The following PCDH15 variants were observed in gnomAD, a reference collection of about 807,000 sequenced individuals.
PCDH15 encodes protocadherin related 15, also known as protocadherin-15.
Under a neutral mutation model 178.5 loss-of-function variants are expected in PCDH15, and 129 were observed. That is an observed-to-expected ratio of 0.72 (90% confidence interval 0.63 to 0.84). PCDH15 has a LOEUF of 0.84. PCDH15 is among the 40% of genes least tolerant of loss of function. The pLI, the probability that PCDH15 is intolerant of heterozygous loss-of-function variation, is 0.00. For synonymous variants in PCDH15, 800 were observed against 732.0 expected, an observed-to-expected ratio of 1.09 and a Z score of -1.50; for missense variants, 2,230 against 2,099.9, an observed-to-expected ratio of 1.06 and a Z score of -1.21.
intron 1 of PCDH15, among the ~76,000 whole-genome samples, chr10:54,766,956 A>T (rs866388545): frequency 2.6e-5 from 4 of 151,752 alleles, no homozygotes; most frequent in Admixed American, 6.6e-5. Context: ...AAATCTATCC[A>T]CTATACACCT....
chr10:53,923,869 C>A (rs2084224007), intron 25 of PCDH15, among the ~76,000 whole-genome samples: 1 of 152,198 alleles, frequency 6.6e-6, no homozygotes, highest in African/African-American at 2.4e-5. Context: ...TCCTCTCATT[C>A]ACTAAATGGA....
intron 2 of PCDH15, among the ~76,000 whole-genome samples, chr10:55,520,021 G>T (rs367958743): frequency 2.1e-5 from 3 of 143,034 alleles, no homozygotes; most frequent in African/African-American, 7.7e-5. Flanking sequence ...TGTTTATAAG[G>T]CATATATATA....
At chr10:54,151,269 C>T (rs1291889577) in intron 14 of PCDH15, among the ~76,000 whole-genome samples, 5 of 152,020 alleles carry the variant, frequency 3.3e-5, no homozygotes, top group Non-Finnish European at 5.9e-5. Flanking sequence ...GGCCAGGCGT[C>T]GTGGCTGATG....
intron 1 of PCDH15, among the ~76,000 whole-genome samples, chr10:54,668,803 T>C (rs2094611779): frequency 6.6e-6 from 1 of 152,174 alleles, no homozygotes; most frequent in Admixed American, 6.6e-5. Context: ...ACACCGTCAT[T>C]ACTTTGATGA....
At chr10:53,888,610 T>G (rs1443380783) in intron 26 of PCDH15, among the ~76,000 whole-genome samples, 1 of 95,440 alleles carries the variant, frequency 1.0e-5, no homozygotes, top group African/African-American at 3.7e-5. Context: ...GTCATTGTGA[T>G]GAACATGTGT....
At chr10:54,812,929 T>C (rs1425274418) in intron 3 of PCDH15, among the ~76,000 whole-genome samples, 1 of 152,184 alleles carries the variant, frequency 6.6e-6, no homozygotes, top group African/African-American at 2.4e-5. Flanking sequence ...ATCCTCACTT[T>C]GCACTTACTG....
At chr10:53,962,397 A>G (rs2088448042) in intron 21 of PCDH15, among the ~76,000 whole-genome samples, 1 of 152,244 alleles carries the variant, frequency 6.6e-6, no homozygotes, top group South Asian at 2.1e-4. Context: ...GGACTGTAGT[A>G]AAGTGCAGGA....
chr10:54,378,545 C>T (rs1448805167), intron 4 of PCDH15, among the ~76,000 whole-genome samples: 1 of 152,000 alleles, frequency 6.6e-6, no homozygotes, highest in Non-Finnish European at 1.5e-5. Flanking sequence ...ATATTTTCTT[C>T]TTGTTCAGAA....
intron 2 of PCDH15, among the ~76,000 whole-genome samples, chr10:55,527,793 T>G (rs1841335477): frequency 6.6e-6 from 1 of 152,136 alleles, no homozygotes; most frequent in Non-Finnish European, 1.5e-5. Flanking sequence ...GAATGTACAT[T>G]TTTAAAGTGC....
intron 2 of PCDH15, chr10:54,528,453 A>G: frequency 3.5e-6 from 5 of 1,447,492 alleles, no homozygotes; most frequent in Non-Finnish European, 4.7e-6. Flanking sequence ...GAAAAATGGA[A>G]GAAAGAAAGG....
At chr10:55,510,884 T>C (rs531875458) in intron 2 of PCDH15, among the ~76,000 whole-genome samples, 2 of 150,602 alleles carry the variant, frequency 1.3e-5, no homozygotes, top group African/African-American at 2.4e-5. Context: ...ACACTTGAGA[T>C]AGGATCTTAC....
chr10:54,732,552 T>C (rs558141374), intron 1 of PCDH15, among the ~76,000 whole-genome samples: 200 of 151,618 alleles, frequency 1.3e-3, no homozygotes, highest in African/African-American at 4.7e-3. Flanking sequence ...ACTTAAAAAT[T>C]CTTCCAACAA....
chr10:54,709,348 C>T lies in PCDH15; in HGVS notation c.-28-45058G>A, dbSNP rs1010953232. Among the ~76,000 whole-genome samples, 5 of 151,858 alleles carry T rather than the reference C, an allele frequency of 3.3e-5. No homozygotes were observed. In the South Asian group the frequency reaches 6.2e-4, roughly 19 times the overall value. ...TTGATTGAAGAGAGAAGGAAATACA[C>T]CTACTCCATACATTATTATACATTA... On this transcript the variant is annotated intron_variant, in intron 1 of 37. Transcript: ENST00000644397.
intron 13 of PCDH15, among the ~76,000 whole-genome samples, chr10:54,154,332 A>G (rs1363000907): frequency 6.6e-6 from 1 of 152,154 alleles, no homozygotes; most frequent in East Asian, 1.9e-4. Flanking sequence ...TATAATTAAA[A>G]GTTTTCTGTG....
intron 2 of PCDH15, among the ~76,000 whole-genome samples, chr10:55,626,604 A>C (rs1330716213): frequency 6.6e-6 from 1 of 152,186 alleles, no homozygotes; most frequent in Admixed American, 6.5e-5. Context: ...CTTGCCACGT[A>C]AATTGTAATA....
At chr10:55,198,588 G>A (rs113954503) in intron 1 of PCDH15, among the ~76,000 whole-genome samples, 17,605 of 151,934 alleles carry the variant, frequency 0.12, 1,460 homozygotes, top group Non-Finnish European at 0.17. Context: ...CTGGGTTCAC[G>A]CCATTCCCCT....
At chr10:55,214,491 A>G (rs1591994407) in intron 1 of PCDH15, among the ~76,000 whole-genome samples, 1 of 151,746 alleles carries the variant, frequency 6.6e-6, no homozygotes. Flanking sequence ...AACTTTTATC[A>G]TAATACATGA....
chr10:54,683,595 C>A (rs562310506), intron 1 of PCDH15, among the ~76,000 whole-genome samples: 1 of 152,158 alleles, frequency 6.6e-6, no homozygotes, highest in East Asian at 1.9e-4. Context: ...GATCAAAATT[C>A]TGAACTAATT....
intron 2 of PCDH15, among the ~76,000 whole-genome samples, chr10:55,446,515 A>G (rs540387259): frequency 3.0e-4 from 45 of 152,136 alleles, no homozygotes; most frequent in African/African-American, 9.6e-4. Context: ...GGGAAGATAA[A>G]TATGATCAAA....
Sources: gnomAD v4.1 joint callset for allele counts (sites outside exome capture counted in the v4.1 genomes callset) on GRCh38, gnomAD v4.1.1 for gene constraint, MANE v1.5 for transcripts, NCBI Gene and HGNC (gene_info 2026-07-23, HGNC 2026-07-21) for gene names.